The following AGMO variants were observed in gnomAD, a reference collection of about 807,000 sequenced individuals.
The protein encoded by AGMO is glyceryl-ether monooxygenase.
Under a neutral mutation model 60.2 loss-of-function variants are expected in AGMO, and 75 were observed. The observed-to-expected ratio is 1.25, with a 90% CI of 1.03 to 1.51. The LOEUF (loss-of-function observed/expected upper bound fraction) is 1.51. Ranked by LOEUF, AGMO falls within the 40% of genes most tolerant of loss-of-function variation. The pLI is 0.00. For synonymous variants in AGMO, 261 were observed against 177.1 expected, an observed-to-expected ratio of 1.47 and a Z score of -3.76; for missense variants, 763 against 525.5, an observed-to-expected ratio of 1.45 and a Z score of -4.42.
chr7:15,355,112 T>G (rs961233393), intron 12 of AGMO, among the ~76,000 whole-genome samples: 1 of 152,018 alleles, frequency 6.6e-6, no homozygotes, highest in Non-Finnish European at 1.5e-5. Flanking sequence ...TAGGGTGAAT[T>G]TGGGATTAAT....
chr7:15,230,685 T>C (rs1199365105), intron 12 of AGMO, among the ~76,000 whole-genome samples: 2 of 152,138 alleles, frequency 1.3e-5, no homozygotes, highest in South Asian at 2.1e-4. Flanking sequence ...GAAACCTCCT[T>C]ATAAGGGAAA....
chr7:15,416,451 G>GT (rs1419568258), intron 5 of AGMO, among the ~76,000 whole-genome samples: 1 of 151,976 alleles, frequency 6.6e-6, no homozygotes, highest in Non-Finnish European at 1.5e-5. Flanking sequence ...TGATTTTAAG[G>GT]TTTTTTTCCT....
chr7:15,560,343 C>G, intron 1 of AGMO, 72 bp from the exon 2 acceptor site: 1 of 1,518,332 alleles, frequency 6.6e-7, no homozygotes, highest in Non-Finnish European at 8.9e-7. Flanking sequence ...CCTGATTAGT[C>G]ATTTCAGAAT....
At chr7:15,277,031 G>T (rs991488332) in intron 12 of AGMO, among the ~76,000 whole-genome samples, 1 of 151,582 alleles carries the variant, frequency 6.6e-6, no homozygotes, top group African/African-American at 2.4e-5. Context: ...TTATTTGCTG[G>T]GTGTGGTGGC....
In AGMO at chr7:15,451,779, C is replaced by T. The variant is rs540728233; in HGVS notation, c.410-20671G>A. The stretch of plus-strand genomic sequence containing the variant: ...AGTCCCTAGGATCAGAGCTGATTCA[C>T]AGAGACCCCACCACAGCAGAAGAAG... On this transcript the variant is annotated intron_variant, in intron 3 of 12. Transcript: ENST00000342526. 9.2e-5 allele frequency among the ~76,000 whole-genome samples: 14 copies of T among 152,104 alleles called. No homozygotes were observed. In the South Asian group the frequency reaches 2.9e-3, roughly 32 times the overall value.
At chr7:15,147,222 T>G in the AGMO span, among the ~76,000 whole-genome samples, 2 of 152,062 alleles carry the variant, frequency 1.3e-5, no homozygotes, top group Admixed American at 1.3e-4. Flanking sequence ...AGACACATCC[T>G]GGAAATTGTA....
chr7:15,173,136 T>C, the AGMO span, among the ~76,000 whole-genome samples: 1 of 152,150 alleles, frequency 6.6e-6, no homozygotes, highest in East Asian at 1.9e-4. Flanking sequence ...ATTGAATATA[T>C]TTGTTGAAGT....
In AGMO at chr7:15,530,851, ATATATAGATGACTG is replaced by A. The variant is rs1338809234; in HGVS notation, c.409+13907_409+13920del. Among the ~76,000 whole-genome samples the A allele has an allele frequency of 1.9e-4, 27 of 139,616 alleles. No individual in the cohort carries two copies. The South Asian group carries it at 4.5e-3, about 23-fold the overall frequency. The allele number at this position is 139,616 out of a possible 152,430, so 91.6% of individuals were successfully genotyped here. A position where few individuals can be genotyped will look rare whatever the true frequency, so the allele number is the denominator to read the frequency against. The stretch of plus-strand genomic sequence containing the variant: ...TATATATTCTATATATATATATTCT[ATATATAGATGACTG>A]TATATAGATGACTGTATTCCAGATG... On this transcript the variant is annotated intron_variant, in intron 3 of 12. Coordinates refer to ENST00000342526, the MANE Select transcript of AGMO (RefSeq NM_001004320.2).
At chr7:15,406,984 G>A (rs1019920533) in intron 5 of AGMO, among the ~76,000 whole-genome samples, 334 of 128,604 alleles carry the variant, frequency 2.6e-3, no homozygotes, top group Middle Eastern at 0.02. Context: ...ATGTACACAT[G>A]TGTGTGTATA....
chr7:15,402,251 T>C (rs1352464983), intron 5 of AGMO, among the ~76,000 whole-genome samples: 1 of 152,050 alleles, frequency 6.6e-6, no homozygotes, highest in African/African-American at 2.4e-5. Flanking sequence ...CTGGCCACTT[T>C]TCTTCTCCCA....
At chr7:15,372,442 C>T (rs12112076) in intron 10 of AGMO, among the ~76,000 whole-genome samples, 110 of 152,050 alleles carry the variant, frequency 7.2e-4, no homozygotes, top group African/African-American at 2.6e-3. Context: ...TGCGTCACAG[C>T]GAGACTCTGT....
At chr7:15,337,082 T>G (rs1563094462) in intron 12 of AGMO, among the ~76,000 whole-genome samples, 1 of 152,180 alleles carries the variant, frequency 6.6e-6, no homozygotes, top group Non-Finnish European at 1.5e-5. Flanking sequence ...CTGGATCATT[T>G]TATCAGGTTA....
intron 12 of AGMO, among the ~76,000 whole-genome samples, chr7:15,224,907 AT>A (rs1435955246): frequency 3.3e-5 from 5 of 152,058 alleles, no homozygotes; most frequent in Non-Finnish European, 7.4e-5. Flanking sequence ...ACAATTTCAA[AT>A]TTTTAATTTT....
At chr7:15,336,615 A>G (rs527703426) in intron 12 of AGMO, among the ~76,000 whole-genome samples, 1 of 152,184 alleles carries the variant, frequency 6.6e-6, no homozygotes, top group South Asian at 2.1e-4. Flanking sequence ...CACCGAATAT[A>G]TTAATCACAT....
chr7:15,263,878 A>C (rs952134203), intron 12 of AGMO, among the ~76,000 whole-genome samples: 1 of 152,114 alleles, frequency 6.6e-6, no homozygotes, highest in Non-Finnish European at 1.5e-5. Flanking sequence ...ATGCAAAGGC[A>C]TAAAAATGAT....
In AGMO at chr7:15,326,291, C is replaced by T. The variant is rs182206723; in HGVS notation, c.1263+39223G>A. Among the ~76,000 whole-genome samples, 16 of 152,264 alleles carry T rather than the reference C, an allele frequency of 1.1e-4. No homozygotes were observed. The East Asian group carries it at 3.1e-3, about 29-fold the overall frequency. Reference sequence around the variant, plus strand: ...GTTTACATTTGGCTGTATTTGATTACTTACTGAAAATGACATATAATCAGT... The same window carrying T: ...GTTTACATTTGGCTGTATTTGATTATTTACTGAAAATGACATATAATCAGT... On this transcript the variant is annotated intron_variant, in intron 12 of 12. Coordinates refer to ENST00000342526, the MANE Select transcript of AGMO (RefSeq NM_001004320.2).
intron 3 of AGMO, among the ~76,000 whole-genome samples, chr7:15,465,169 C>T (rs1782247499): frequency 6.6e-6 from 1 of 151,884 alleles, no homozygotes. Context: ...CCCCTACTTT[C>T]GACAAGCTAA....
At chr7:15,423,711 C>T (rs185389843) in intron 4 of AGMO, among the ~76,000 whole-genome samples, 5 of 91,228 alleles carry the variant, frequency 5.5e-5, no homozygotes, top group Admixed American at 4.0e-4. Flanking sequence ...ATGCACACAG[C>T]GAGAATGGCA....
intron 3 of AGMO, among the ~76,000 whole-genome samples, chr7:15,437,032 T>G (rs2128500266): frequency 6.6e-6 from 1 of 152,304 alleles, no homozygotes; most frequent in South Asian, 2.1e-4. Flanking sequence ...TTGTCTTTTC[T>G]TAATATCAAA....
Sources: allele counts gnomAD v4.1 joint callset (sites outside exome capture counted in the v4.1 genomes callset), GRCh38; gene constraint gnomAD v4.1.1; transcripts MANE v1.5; gene names NCBI Gene and HGNC (gene_info 2026-07-23, HGNC 2026-07-21).